EXOC4: variants seen among roughly 807,000 people sequenced by gnomAD.
EXOC4 encodes the protein SEC8-like 1.
Under a neutral mutation model 107.2 loss-of-function variants are expected in EXOC4, and 71 were observed. The ratio of observed to expected loss-of-function variants is 0.66; its 90% CI spans 0.55 to 0.81. The LOEUF is 0.81. EXOC4 is among the 30% of genes least tolerant of loss of function. The probability of loss-of-function intolerance (pLI) is 0.00; values close to 1 mark genes in which losing one functional copy is unlikely to be tolerated. For missense variants in EXOC4, 1,108 were observed against 1,189.6 expected, an observed-to-expected ratio of 0.93 and a Z score of 1.01; for synonymous variants, 456 against 441.2, an observed-to-expected ratio of 1.03 and a Z score of -0.42.
intron 10 of EXOC4, among the ~76,000 whole-genome samples, chr7:133,753,762 C>A (rs988000983): frequency 1.3e-5 from 2 of 152,066 alleles, no homozygotes; most frequent in Admixed American, 1.3e-4. Context: ...TATTTAGTGG[C>A]GTGAACTTGA....
chr7:133,614,571 A>T (rs956365729), intron 9 of EXOC4, among the ~76,000 whole-genome samples: 1 of 152,114 alleles, frequency 6.6e-6, no homozygotes, highest in African/African-American at 2.4e-5. Context: ...TATGAAAAGG[A>T]TCGTCAGCAT....
intron 9 of EXOC4, among the ~76,000 whole-genome samples, chr7:133,600,721 T>C (rs1801786467): frequency 6.6e-6 from 1 of 152,204 alleles, no homozygotes; most frequent in African/African-American, 2.4e-5. Flanking sequence ...CTTTACAACT[T>C]GCCATCTTTG....
At chr7:133,516,695 A>G (rs1469513942) in intron 9 of EXOC4, among the ~76,000 whole-genome samples, 2 of 142,638 alleles carry the variant, frequency 1.4e-5, no homozygotes, top group African/African-American at 2.6e-5. Context: ...CTAGAAGTGG[A>G]AAGTCTGGAT....
rs534021214 is a variant in EXOC4 at position 133,537,759 on chromosome 7, T to C, written c.1417+57621T>C. Among the ~76,000 whole-genome samples, 43 of 152,302 alleles carry C rather than the reference T, an allele frequency of 2.8e-4. No homozygotes were observed. In the South Asian group the frequency reaches 8.7e-3, roughly 31 times the overall value. Reference sequence around the variant, plus strand: ...GTTTTAAACCAAAATAATGGTAGTATAACACTCTTTCATTTATTTTTATCA... The same window carrying C: ...GTTTTAAACCAAAATAATGGTAGTACAACACTCTTTCATTTATTTTTATCA... On this transcript the variant is annotated intron_variant, in intron 9 of 17. Coordinates refer to ENST00000253861, the MANE Select transcript of EXOC4 (RefSeq NM_021807.4).
At chr7:133,516,996 C>G (rs1424834535) in intron 9 of EXOC4, among the ~76,000 whole-genome samples, 1 of 151,832 alleles carries the variant, frequency 6.6e-6, no homozygotes, top group East Asian at 1.9e-4. Context: ...ATCTATTTAT[C>G]TTTCTGATGA....
chr7:133,446,599 G>A (rs920249181), intron 7 of EXOC4, among the ~76,000 whole-genome samples: 2 of 152,140 alleles, frequency 1.3e-5, no homozygotes, highest in Admixed American at 6.5e-5. Flanking sequence ...TACAGAAATC[G>A]AGATGAAGCC....
intron 7 of EXOC4, among the ~76,000 whole-genome samples, chr7:133,448,706 G>A (rs1798274154): frequency 6.6e-6 from 1 of 152,188 alleles, no homozygotes; most frequent in African/African-American, 2.4e-5. Context: ...ATATGTGAAT[G>A]TGACCTCATT....
chr7:134,019,905 G>T (rs1046336685), intron 17 of EXOC4, among the ~76,000 whole-genome samples: 2 of 151,922 alleles, frequency 1.3e-5, no homozygotes, highest in Non-Finnish European at 2.9e-5. Context: ...GCAGTTTGAC[G>T]GCAGAGGGGT....
chr7:133,484,115 C>A (rs189353428), intron 9 of EXOC4: 2 of 1,611,562 alleles, frequency 1.2e-6, no homozygotes, highest in Non-Finnish European at 1.7e-6. Flanking sequence ...AAGTTAAGTT[C>A]CTGCCAACAT....
intron 7 of EXOC4, among the ~76,000 whole-genome samples, chr7:133,425,831 CT>C (rs1164885548): frequency 6.6e-6 from 1 of 152,194 alleles, no homozygotes; most frequent in East Asian, 1.9e-4. Flanking sequence ...GATCCCAGGT[CT>C]TTAGATAAAC....
chr7:133,910,758 A>G (rs751695727), intron 12 of EXOC4, among the ~76,000 whole-genome samples: 1 of 152,198 alleles, frequency 6.6e-6, no homozygotes, highest in Non-Finnish European at 1.5e-5. Flanking sequence ...ACTTTGGACC[A>G]GTCTTGTCCA....
chr7:133,548,006 G>A (rs1800515409), intron 9 of EXOC4, among the ~76,000 whole-genome samples: 1 of 149,198 alleles, frequency 6.7e-6, no homozygotes. Context: ...ATTTATAGCA[G>A]CTATAGTCTT....
intron 17 of EXOC4, among the ~76,000 whole-genome samples, chr7:134,059,400 TAATAC>T (rs1796002953): frequency 6.6e-6 from 1 of 152,142 alleles, no homozygotes; most frequent in South Asian, 2.1e-4. Context: ...AGAAAAGCAC[TAATAC>T]TCAAAGATAA....
At chr7:134,066,342 G>C (rs1459946762), downstream of EXOC4, 1 of 152,178 alleles carries the variant, frequency 6.6e-6, no homozygotes, top group Admixed American at 6.5e-5. Flanking sequence ...CTTGGAAGTA[G>C]TGGAAAGCTC....
In EXOC4 at chr7:133,963,586, G is replaced by A. The variant is rs1042299223; in HGVS notation, c.2206+25517G>A. 3.3e-5 allele frequency among the ~76,000 whole-genome samples: 5 copies of A among 152,174 alleles called. No individual in the cohort carries two copies. In the East Asian group the frequency reaches 7.7e-4, roughly 23 times the overall value. Reference sequence around the variant, plus strand: ...GAAATAACTGCAGTGTGAAGGATTTGGGGGAAACACTGGTTTTACGCTTAA... The same window carrying A: ...GAAATAACTGCAGTGTGAAGGATTTAGGGGAAACACTGGTTTTACGCTTAA... On this transcript the variant is annotated intron_variant, in intron 14 of 17. Transcript: ENST00000253861.
chr7:133,659,842 C>T (rs1275940499), intron 10 of EXOC4, among the ~76,000 whole-genome samples: 1 of 152,214 alleles, frequency 6.6e-6, no homozygotes, highest in Admixed American at 6.5e-5. Context: ...TGAATCCTGA[C>T]AAACCCTCTT....
At chr7:133,972,947 A>G (rs1341714765) in intron 14 of EXOC4, among the ~76,000 whole-genome samples, 2 of 152,230 alleles carry the variant, frequency 1.3e-5, no homozygotes, top group African/African-American at 4.8e-5. Flanking sequence ...GGTAGCCACA[A>G]CTGTTACACA....
At chr7:133,834,910 C>T (rs865884803) in intron 11 of EXOC4, among the ~76,000 whole-genome samples, 1 of 152,070 alleles carries the variant, frequency 6.6e-6, no homozygotes, top group Non-Finnish European at 1.5e-5. Flanking sequence ...GGGGGTCTTT[C>T]CTGCACTGTA....
At chr7:133,457,261 T>C (rs1798484755) in intron 7 of EXOC4, among the ~76,000 whole-genome samples, 1 of 152,166 alleles carries the variant, frequency 6.6e-6, no homozygotes, top group Non-Finnish European at 1.5e-5. Context: ...GCCCGTGGTG[T>C]ATGTTGTGGT....
Sources: allele counts gnomAD v4.1 joint callset (sites outside exome capture counted in the v4.1 genomes callset), GRCh38; gene constraint gnomAD v4.1.1; transcripts MANE v1.5; gene names NCBI Gene and HGNC (gene_info 2026-07-23, HGNC 2026-07-21).